LPAR1: variants seen among roughly 807,000 people sequenced by gnomAD.
LPAR1 encodes the protein lysophosphatidic acid receptor 1, also known as LPA receptor 1.
LPAR1 carries 5 observed loss-of-function variants against 23.8 expected under a neutral mutation model. That is an observed-to-expected ratio of 0.21 (90% CI 0.11 to 0.44). LPAR1 has a LOEUF of 0.44. Among genes scored for constraint, LPAR1 ranks in the 20% least tolerant of loss-of-function variants. The probability of loss-of-function intolerance (pLI) is 0.99; values close to 1 mark genes in which losing one functional copy is unlikely to be tolerated. For synonymous variants in LPAR1, 160 were observed against 164.7 expected, an observed-to-expected ratio of 0.97 and a Z score of 0.22; for missense variants, 311 against 482.8, an observed-to-expected ratio of 0.64 and a Z score of 3.33.
At chr9:110,961,069 C>CT (rs71371698) in intron 4 of LPAR1, among the ~76,000 whole-genome samples, 87,076 of 151,408 alleles carry the variant, frequency 0.58, 25,342 homozygotes, top group South Asian at 0.66. Context: ...CATTATTGTC[C>CT]TTTTTTTATT....
chr9:110,977,895 GGAAGGAAGGAAGGAAA>G (rs2096592828), intron 2 of LPAR1, among the ~76,000 whole-genome samples: 6 of 143,878 alleles, frequency 4.2e-5, no homozygotes, highest in African/African-American at 1.6e-4. Flanking sequence ...AAGGAAGGAA[GGAAGGAAGGAAGGAAA>G]GAAGGAAAGA....
At chr9:110,896,851 G>A (rs2086544954) in intron 5 of LPAR1, among the ~76,000 whole-genome samples, 1 of 147,068 alleles carries the variant, frequency 6.8e-6, no homozygotes, top group African/African-American at 2.5e-5. Flanking sequence ...GCAGTGGCGT[G>A]ATCTCAGCTC....
At chr9:110,922,019 G>A (rs2093663347) in intron 5 of LPAR1, among the ~76,000 whole-genome samples, 1 of 152,204 alleles carries the variant, frequency 6.6e-6, no homozygotes, top group South Asian at 2.1e-4. Context: ...GCTTGATGGT[G>A]AGTATGCAGA....
intron 2 of LPAR1, among the ~76,000 whole-genome samples, chr9:111,014,578 C>G (rs573959186): frequency 6.6e-6 from 1 of 152,068 alleles, no homozygotes; most frequent in Non-Finnish European, 1.5e-5. Context: ...AGGTGTCTGC[C>G]CTGGCCTCTC....
At chr9:110,946,401 G>T (rs1238889567) in intron 4 of LPAR1, among the ~76,000 whole-genome samples, 1 of 152,128 alleles carries the variant, frequency 6.6e-6, no homozygotes, top group Non-Finnish European at 1.5e-5. Context: ...ATCTTGATGA[G>T]ATTTTGGGAT....
chr9:110,909,728 A>ATTTAT (rs1564437572), intron 5 of LPAR1, among the ~76,000 whole-genome samples: 1 of 112,656 alleles, frequency 8.9e-6, no homozygotes, highest in South Asian at 2.8e-4. Context: ...TATTAAATAA[A>ATTTAT]GTATTTATTT....
intron 2 of LPAR1, among the ~76,000 whole-genome samples, chr9:111,035,747 A>C (rs1416447676): frequency 6.6e-6 from 1 of 152,234 alleles, no homozygotes; most frequent in Non-Finnish European, 1.5e-5. Flanking sequence ...GCCACACATC[A>C]AACACAGACA....
chr9:111,027,918 A>T (rs1353838136), intron 2 of LPAR1, among the ~76,000 whole-genome samples: 1 of 147,290 alleles, frequency 6.8e-6, no homozygotes, highest in Non-Finnish European at 1.5e-5. Flanking sequence ...AAAAGAAGCA[A>T]GCGGAGAAAG....
chr9:110,936,970 C>A (rs934609934), intron 5 of LPAR1, among the ~76,000 whole-genome samples: 2 of 152,142 alleles, frequency 1.3e-5, no homozygotes, highest in Non-Finnish European at 2.9e-5. Context: ...AGAAGGAATT[C>A]TTGGTAAAAT....
At chr9:110,939,208 C>T (rs903592368) in intron 5 of LPAR1, among the ~76,000 whole-genome samples, 16 of 152,164 alleles carry the variant, frequency 1.1e-4, no homozygotes, top group Non-Finnish European at 2.4e-4. Flanking sequence ...TGGCATTAGG[C>T]ACCACGCCTT....
intron 2 of LPAR1, among the ~76,000 whole-genome samples, chr9:110,974,874 C>A (rs765400547): frequency 6.6e-6 from 1 of 152,198 alleles, no homozygotes; most frequent in Non-Finnish European, 1.5e-5. Flanking sequence ...CCAAGGTGCA[C>A]TGTTTTACAC....
intron 2 of LPAR1, among the ~76,000 whole-genome samples, chr9:111,012,463 A>ACG (rs148908097): frequency 0.021 from 2,722 of 130,504 alleles, 83 homozygotes; most frequent in African/African-American, 0.068. Flanking sequence ...GCATGTACGC[A>ACG]CGCGCGCACA....
chr9:110,913,494 A>G (rs1472373172), intron 5 of LPAR1, among the ~76,000 whole-genome samples: 1 of 140,816 alleles, frequency 7.1e-6, no homozygotes, highest in African/African-American at 2.6e-5. Flanking sequence ...GTATTGATGA[A>G]AGGTATTTAT....
rs905755123 is a variant in LPAR1, at chr9:110,875,369, G to T, written c.*52C>A. 1 of 1,498,212 alleles carries T rather than the reference G, an allele frequency of 6.7e-7. No individual in the cohort carries two copies. Among genetic ancestry groups the T allele is most frequent in the Admixed American group, 2.1e-5 (1 of 47,630 alleles). The allele number at this position is 1,498,212 out of a possible 1,614,324, so 92.8% of individuals were successfully genotyped here. Reference sequence around the variant, plus strand: ...TTGCCCTGGCAATTGGGTAGGGGGAGGCTGTTTATCCTCCAAGAGAGGACG... The same window carrying T: ...TTGCCCTGGCAATTGGGTAGGGGGATGCTGTTTATCCTCCAAGAGAGGACG... On this transcript the variant is annotated 3_prime_UTR_variant, in exon 6 of 6. Transcript: ENST00000683809.
chr9:111,032,852 T>C (rs999112055), intron 2 of LPAR1, among the ~76,000 whole-genome samples: 1 of 152,140 alleles, frequency 6.6e-6, no homozygotes, highest in African/African-American at 2.4e-5. Flanking sequence ...ATGAACAAAA[T>C]TTCCTTCAAC....
chr9:111,027,148 G>A (rs1422327903), intron 2 of LPAR1, among the ~76,000 whole-genome samples: 1 of 152,090 alleles, frequency 6.6e-6, no homozygotes, highest in Non-Finnish European at 1.5e-5. Context: ...TTGTGAATCT[G>A]TCTGGTCCTG....
chr9:110,949,898 T>C (rs930415722), intron 4 of LPAR1, among the ~76,000 whole-genome samples: 1 of 152,122 alleles, frequency 6.6e-6, no homozygotes, highest in Non-Finnish European at 1.5e-5. Flanking sequence ...TTAAAAAATG[T>C]GGTTACATAA....
intron 2 of LPAR1, among the ~76,000 whole-genome samples, chr9:110,975,637 T>C (rs1227193640): frequency 1.3e-5 from 2 of 152,080 alleles, no homozygotes; most frequent in African/African-American, 4.8e-5. Flanking sequence ...AGATAAAAAA[T>C]GGAGAAAGTA....
chr9:110,895,385 C>CT (rs2085951976), intron 5 of LPAR1, among the ~76,000 whole-genome samples: 1 of 152,200 alleles, frequency 6.6e-6, no homozygotes, highest in African/African-American at 2.4e-5. Context: ...GGGGCAGACA[C>CT]TGGGGCCTGG....
Sources: allele counts gnomAD v4.1 joint callset (sites outside exome capture counted in the v4.1 genomes callset), GRCh38; gene constraint gnomAD v4.1.1; transcripts MANE v1.5; gene names NCBI Gene and HGNC (gene_info 2026-07-23, HGNC 2026-07-21).